Variants in ROR1 observed in about 807,000 individuals in gnomAD.
ROR1 encodes the protein ROR family WNT receptor 1.
ROR1 carries 19 observed loss-of-function variants against 78.8 expected under a neutral mutation model. The observed-to-expected ratio is 0.24, with a 90% CI of 0.17 to 0.35. The LOEUF is 0.35. ROR1 is among the 10% of genes least tolerant of loss of function. ROR1 has a pLI of 1.00. For synonymous variants in ROR1, 386 were observed against 433.6 expected, an observed-to-expected ratio of 0.89 and a Z score of 1.36; for missense variants, 917 against 1,177.8, an observed-to-expected ratio of 0.78 and a Z score of 3.24.
intron 1 of ROR1, among the ~76,000 whole-genome samples, chr1:63,872,902 G>T (rs976713571): frequency 5.3e-5 from 8 of 152,146 alleles, no homozygotes; most frequent in Non-Finnish European, 2.9e-5. Context: ...AGAATATGTT[G>T]TGGTTTTTAT....
intron 2 of ROR1, among the ~76,000 whole-genome samples, chr1:64,032,773 C>T (rs1646671759): frequency 6.6e-6 from 1 of 152,162 alleles, no homozygotes; most frequent in African/African-American, 2.4e-5. Flanking sequence ...ATTTAGGACC[C>T]ACAAAAGGAA....
intron 4 of ROR1, among the ~76,000 whole-genome samples, chr1:64,065,695 GTGAT>G (rs1156621184): frequency 6.6e-6 from 1 of 152,164 alleles, no homozygotes; most frequent in Non-Finnish European, 1.5e-5. Context: ...ATACACTTCA[GTGAT>G]TGAAGCCCCA....
intron 1 of ROR1, among the ~76,000 whole-genome samples, chr1:63,977,365 G>C (rs1313436769): frequency 6.6e-6 from 1 of 152,108 alleles, no homozygotes; most frequent in Non-Finnish European, 1.5e-5. Flanking sequence ...ATGAAGTCGG[G>C]TGTGGAATTT....
chr1:64,145,738 G>A (rs2100716730), intron 7 of ROR1, among the ~76,000 whole-genome samples: 1 of 152,274 alleles, frequency 6.6e-6, no homozygotes, highest in South Asian at 2.1e-4. Context: ...AACCAGGTAA[G>A]GTATGAGAGT....
At chr1:63,964,151 G>C (rs1646055316) in intron 1 of ROR1, among the ~76,000 whole-genome samples, 1 of 152,122 alleles carries the variant, frequency 6.6e-6, no homozygotes, top group African/African-American at 2.4e-5. Context: ...GAGATTCAGA[G>C]GTATTATTTG....
At chr1:63,910,401 C>A (rs1179827963) in intron 1 of ROR1, among the ~76,000 whole-genome samples, 2 of 152,078 alleles carry the variant, frequency 1.3e-5, no homozygotes, top group Admixed American at 6.5e-5. Context: ...CTGGTTTAAA[C>A]AGAAACCAAG....
At chr1:63,843,126 G>C in intron 1 of ROR1, 1 of 694,192 alleles carries the variant, frequency 1.4e-6, no homozygotes, top group Admixed American at 2.2e-5. Flanking sequence ...GGAAGGGGAC[G>C]GCCTGCAACC....
intron 2 of ROR1, among the ~76,000 whole-genome samples, chr1:64,017,762 C>G (rs932161791): frequency 6.6e-6 from 1 of 152,176 alleles, no homozygotes; most frequent in South Asian, 2.1e-4. Flanking sequence ...CCTCCATCCT[C>G]CCAGCAACCG....
intron 1 of ROR1, among the ~76,000 whole-genome samples, chr1:63,856,771 C>A (rs1286176223): frequency 6.6e-6 from 1 of 152,178 alleles, no homozygotes; most frequent in Non-Finnish European, 1.5e-5. Context: ...TATCCTGTTA[C>A]TCCAACTTGG....
chr1:64,153,961 G>A (rs1649700578), intron 7 of ROR1, among the ~76,000 whole-genome samples: 1 of 152,116 alleles, frequency 6.6e-6, no homozygotes, highest in Non-Finnish European at 1.5e-5. Flanking sequence ...TTATAGAGGA[G>A]GAAACTGAGG....
At chr1:63,783,112 T>C (rs936256689) in intron 1 of ROR1, among the ~76,000 whole-genome samples, 1 of 152,126 alleles carries the variant, frequency 6.6e-6, no homozygotes, top group Non-Finnish European at 1.5e-5. Flanking sequence ...AACCAGGCCT[T>C]CACTGTGGAA....
chr1:64,156,062 CTTAAGA>C (rs897824089), intron 7 of ROR1, among the ~76,000 whole-genome samples: 2 of 152,096 alleles, frequency 1.3e-5, no homozygotes, highest in Non-Finnish European at 2.9e-5. Context: ...TTGTTTCTTG[CTTAAGA>C]TTATCTAGCC....
At chr1:64,019,737 G>T (rs1346959861) in intron 2 of ROR1, among the ~76,000 whole-genome samples, 2 of 152,170 alleles carry the variant, frequency 1.3e-5, no homozygotes, top group African/African-American at 4.8e-5. Flanking sequence ...TACTGTGACA[G>T]ATTTACAGAT....
At chr1:64,125,551 C>A (rs1648681911) in intron 4 of ROR1, among the ~76,000 whole-genome samples, 1 of 152,076 alleles carries the variant, frequency 6.6e-6, no homozygotes, top group African/African-American at 2.4e-5. Flanking sequence ...TACTACGAGC[C>A]CCACATAACA....
Position 64,039,495 on chromosome 1 carries a change from C to CT in ROR1, c.164-10195dup, listed in dbSNP as rs528101206. On this transcript the variant is annotated intron_variant, in intron 2 of 8. Coordinates refer to ENST00000371079, the MANE Select transcript of ROR1 (RefSeq NM_005012.4). ...TTATTATGACTGGGCAAGCCACTGCCTAAGAGTCAGGCCAGGGTAGTGAAA... is the reference window on the plus strand; with the variant it reads ...TTATTATGACTGGGCAAGCCACTGCCTTAAGAGTCAGGCCAGGGTAGTGAAA... Among the ~76,000 whole-genome samples, 789 of 152,268 alleles carry CT rather than the reference C, an allele frequency of 5.2e-3. 6 individuals are homozygous for CT. The highest frequency in any genetic ancestry group is 0.018 in the African/African-American group (759 of 41,550).
rs181082764 is a variant in ROR1, at chr1:63,905,953, G to C, written c.92-103352G>C. Among the ~76,000 whole-genome samples, 23 of 152,218 alleles carry C rather than the reference G, an allele frequency of 1.5e-4. No individual in the cohort carries two copies. In the East Asian group the frequency reaches 2.9e-3, roughly 19 times the overall value. On this transcript the variant is annotated intron_variant, in intron 1 of 8. Coordinates refer to ENST00000371079, the MANE Select transcript of ROR1 (RefSeq NM_005012.4). ...GAGGTTATTGGGACTTCATAGATCAGGGAATATCATAATTATTACTGATAA... is the reference window on the plus strand; with the variant it reads ...GAGGTTATTGGGACTTCATAGATCACGGAATATCATAATTATTACTGATAA...
chr1:63,801,127 A>T (rs1644794526), intron 1 of ROR1, among the ~76,000 whole-genome samples: 1 of 152,106 alleles, frequency 6.6e-6, no homozygotes, highest in Non-Finnish European at 1.5e-5. Flanking sequence ...TATTATTATG[A>T]TTACAATGTT....
At chr1:64,023,494 G>A (rs990270385) in intron 2 of ROR1, among the ~76,000 whole-genome samples, 43 of 152,094 alleles carry the variant, frequency 2.8e-4, no homozygotes, top group African/African-American at 8.2e-4. Context: ...CACCTGTACT[G>A]TTTATTGCCC....
chr1:63,852,279 A>G (rs1250928922), intron 1 of ROR1, among the ~76,000 whole-genome samples: 1 of 152,196 alleles, frequency 6.6e-6, no homozygotes, highest in Non-Finnish European at 1.5e-5. Context: ...CGGGGCATAC[A>G]TGTATGTGTA....
Sources: allele counts gnomAD v4.1 joint callset (sites outside exome capture counted in the v4.1 genomes callset), GRCh38; gene constraint gnomAD v4.1.1; transcripts MANE v1.5; gene names NCBI Gene and HGNC (gene_info 2026-07-23, HGNC 2026-07-21).